Variants in LINGO3 observed in about 807,000 individuals in gnomAD.
The protein encoded by LINGO3 is leucine rich repeat and Ig domain containing 3, also known as leucine-rich repeat and immunoglobulin-like domain-containing nogo receptor-interacting protein 3.
For missense variants in LINGO3, 750 were observed against 867.7 expected (o/e 0.86, Z 1.70); for synonymous variants, 427 against 444.2 (o/e 0.96, Z 0.49).
the LINGO3 span, among the ~76,000 whole-genome samples, chr19:2,303,238 G>A: frequency 6.4e-4 from 98 of 152,348 alleles, no homozygotes; most frequent in South Asian, 0.019. Context: ...GGCCCCCAGG[G>A]ACTGGCGTCT....
rs1241320165 is a variant in LINGO3, at chr19:2,290,489, G to A, written c.1288C>T (p.Arg430Cys). Residue 430 changes from arginine to cysteine, a missense_variant, in exon 1 of 1, where the codon CGC becomes TGC. Physicochemically the swap from Arg to Cys is radical, Grantham distance 180 (BLOSUM62 -3). Coordinates refer to ENST00000585527, the Ensembl canonical transcript of LINGO3. This position sits in a 1 kb window ranked among gnomAD's most constrained non-coding sequence, Gnocchi z 6.0. ...GTGGGCGCCGGCTCGCCCTCGGCGC[G>A]GCAGAGGAAGCGGACGTCTTCGCCC... 8.7e-6 allele frequency: 13 copies of A among 1,486,084 alleles called. No homozygotes were observed. The highest frequency in any genetic ancestry group is 1.2e-5 in the Non-Finnish European group (13 of 1,123,594). 92.1% of individuals were successfully genotyped at this position (1,486,084 alleles called of 1,614,324 possible). A position where few individuals can be genotyped will look rare whatever the true frequency, so the allele number is the denominator to read the frequency against.
upstream of LINGO3, among the ~76,000 whole-genome samples, chr19:2,293,061 G>GTTTCTTTCTTTC (rs71176536): frequency 0.042 from 6,302 of 151,030 alleles, 457 homozygotes; most frequent in African/African-American, 0.15. Context: ...GTATGACCCC[G>GTTTCTTTCTTTC]TTTCTTTCTT....
the LINGO3 span, among the ~76,000 whole-genome samples, chr19:2,302,243 G>T: frequency 6.6e-6 from 1 of 151,802 alleles, no homozygotes; most frequent in African/African-American, 2.4e-5. Context: ...TGGATTTTTA[G>T]TAGAGACAGG....
At chr19:2,298,051 G>C in the LINGO3 span, among the ~76,000 whole-genome samples, 1 of 151,270 alleles carries the variant, frequency 6.6e-6, no homozygotes. Flanking sequence ...ACCACATCCA[G>C]CTTATTTTTG....
At chr19:2,303,333 G>A in the LINGO3 span, among the ~76,000 whole-genome samples, 3 of 143,230 alleles carry the variant, frequency 2.1e-5, no homozygotes, top group Non-Finnish European at 4.6e-5. Context: ...AAAGCGCTGA[G>A]GAGCGGAGCT....
chr19:2,293,691 C>G (rs745671604), upstream of LINGO3, among the ~76,000 whole-genome samples: 42 of 151,938 alleles, frequency 2.8e-4, no homozygotes, highest in Non-Finnish European at 5.4e-4. Flanking sequence ...ATGTCCAGGA[C>G]AGGCCCATCC....
At chr19:2,305,849 G>A in the LINGO3 span, among the ~76,000 whole-genome samples, 2 of 152,156 alleles carry the variant, frequency 1.3e-5, no homozygotes, top group African/African-American at 2.4e-5. Flanking sequence ...CTCACAGCAC[G>A]TGGCCCTCCA....
chr19:2,290,392 C>G lies in LINGO3; in HGVS notation c.1385G>C (p.Gly462Ala), dbSNP rs1002866861. ...CGCGTCCTGGATCTCCAGCGTCCCC[C>G]CGGGGAGCACGCGCGCCCGGCCCGC... Residue 462 changes from glycine (G) to alanine (A), a missense_variant, in exon 1 of 1, where the codon GGG (glycine) becomes GCG (alanine). Coordinates refer to ENST00000585527, the Ensembl canonical transcript of LINGO3. This position sits in a 1 kb window ranked among gnomAD's most constrained non-coding sequence, Gnocchi z 6.0. 6.9e-7 allele frequency: 1 copy of G among 1,455,170 alleles called. No individual in the cohort carries two copies. Among genetic ancestry groups the G allele is most frequent in the Non-Finnish European group, 9.0e-7 (1 of 1,111,304 alleles). 90.1% of individuals were successfully genotyped at this position (1,455,170 alleles called of 1,614,324 possible).
the LINGO3 span, among the ~76,000 whole-genome samples, chr19:2,297,091 CA>C: frequency 6.8e-5 from 10 of 147,912 alleles, no homozygotes; most frequent in Non-Finnish European, 1.0e-4. Flanking sequence ...GACTCCGTCT[CA>C]AAAAAAAATA....
rs1218484581 is a variant in LINGO3 at position 2,290,065 on chromosome 19, T to C, written c.1712A>G (p.Lys571Arg). 1.3e-6 allele frequency: 2 copies of C among 1,563,942 alleles called. No individual in the cohort carries two copies. The highest frequency in any genetic ancestry group is 1.7e-6 in the Non-Finnish European group (2 of 1,155,304). The change falls in exon 1 of 1, where the codon AAG becomes AGG. Residue 571 changes from lysine to arginine, a missense_variant. Lys to Arg is a conservative substitution (Grantham distance 26). Coordinates refer to ENST00000585527, the Ensembl canonical transcript of LINGO3. The surrounding 1 kb of genome is among the most constrained non-coding windows in gnomAD (Gnocchi z 6.0). ...CGCCGCGGCGGCCGGCCCATCCACC[T>C]TGCGGAAGGAGTACTCCACCGAGAA...
chr19:2,294,788 G>A (rs2025558208), upstream of LINGO3, among the ~76,000 whole-genome samples: 1 of 151,490 alleles, frequency 6.6e-6, no homozygotes, highest in South Asian at 2.1e-4. The surrounding 1 kb of genome is among the most constrained non-coding windows in gnomAD (Gnocchi z 4.3). Flanking sequence ...CTGCAGCCAA[G>A]ATTCTGGGGG....
At chr19:2,302,610 G>A in the LINGO3 span, among the ~76,000 whole-genome samples, 1 of 152,136 alleles carries the variant, frequency 6.6e-6, no homozygotes, top group East Asian at 1.9e-4. Flanking sequence ...GTCTGCCCCT[G>A]CAGGGCCCCT....
the LINGO3 span, among the ~76,000 whole-genome samples, chr19:2,305,145 G>A: frequency 6.6e-6 from 1 of 152,126 alleles, no homozygotes; most frequent in African/African-American, 2.4e-5. Context: ...GTCTTGAAGA[G>A]GGAGGTCGCT....
At chr19:2,294,953 C>T (rs558834043), upstream of LINGO3, among the ~76,000 whole-genome samples, 35 of 152,238 alleles carry the variant, frequency 2.3e-4, no homozygotes, top group African/African-American at 7.9e-4. This position sits in a 1 kb window ranked among gnomAD's most constrained non-coding sequence, Gnocchi z 4.3. Flanking sequence ...TCGGCATCCC[C>T]CCAGGCCCCG....
At chr19:2,291,141 G>T (rs756244728) in exon 1 of LINGO3, 50 of 1,607,298 alleles carry the variant, frequency 3.1e-5, no homozygotes, top group Non-Finnish European at 4.1e-5. Context: ...GGTCCTCCAG[G>T]GAGGCGATGG....
the LINGO3 span, among the ~76,000 whole-genome samples, chr19:2,306,422 C>T: frequency 7.9e-5 from 12 of 152,298 alleles, no homozygotes; most frequent in South Asian, 1.7e-3. Context: ...TACCTGGTGA[C>T]GAGGTAGTGA....
At position 2,291,150 on chromosome 19, in the gene LINGO3, G is replaced by T. The variant is rs536704525; in HGVS notation, c.627C>A (p.Ala209=). ...AGTTCTGGTCCTCCAGGGAGGCGAT[G>T]GCCAGGTGGCGCAGCCGCAGGGCGC... Residue 209 remains alanine (A), a synonymous_variant, in exon 1 of 1, where the codon GCC becomes GCA. Transcript: ENST00000585527. 6 of 1,607,196 alleles carry T rather than the reference G, an allele frequency of 3.7e-6. No individual in the cohort carries two copies. In the African/African-American group the frequency reaches 8.0e-5, roughly 21 times the overall value.
chr19:2,302,709 T>A, the LINGO3 span, among the ~76,000 whole-genome samples: 1 of 152,212 alleles, frequency 6.6e-6, no homozygotes, highest in Non-Finnish European at 1.5e-5. Flanking sequence ...GGAGGACTCG[T>A]GTTTCAAGGA....
the LINGO3 span, among the ~76,000 whole-genome samples, chr19:2,304,559 C>A: frequency 6.6e-6 from 1 of 152,000 alleles, no homozygotes; most frequent in Non-Finnish European, 1.5e-5. Flanking sequence ...GGGTGAAAGT[C>A]AGAGACTGGA....
Sources: allele counts gnomAD v4.1 joint callset (sites outside exome capture counted in the v4.1 genomes callset), GRCh38; gene constraint gnomAD v4.1.1; non-coding constraint Gnocchi (gnomAD v3.1); transcripts MANE v1.5; gene names NCBI Gene and HGNC (gene_info 2026-07-23, HGNC 2026-07-21).